The following THSD7B variants were observed in gnomAD, a reference collection of about 807,000 sequenced individuals.
The protein encoded by THSD7B is thrombospondin type 1 domain containing 7B, also known as thrombospondin type-1 domain-containing protein 7B.
A neutral mutation model predicts 213.6 loss-of-function variants in THSD7B; 138 were observed. That is an observed-to-expected ratio of 0.65 (90% CI 0.56 to 0.74). The LOEUF is 0.74. THSD7B is among the 30% of genes least tolerant of loss of function. The pLI, the probability that THSD7B is intolerant of heterozygous loss-of-function variation, is 0.00. For missense variants in THSD7B, 1,931 were observed against 1,991.5 expected (o/e 0.97, Z 0.58); for synonymous variants, 742 against 687.0 (o/e 1.08, Z -1.25).
chr2:137,259,718 T>G (rs1350762835), intron 10 of THSD7B, among the ~76,000 whole-genome samples: 1 of 152,158 alleles, frequency 6.6e-6, no homozygotes, highest in Non-Finnish European at 1.5e-5. Flanking sequence ...ACACTAAATG[T>G]TTAGCTTATT....
At chr2:137,029,309 C>T (rs6727783) in intron 2 of THSD7B, among the ~76,000 whole-genome samples, 97,124 of 151,762 alleles carry the variant, frequency 0.64, 31,617 homozygotes, top group South Asian at 0.76. Context: ...GAACTCCTGA[C>T]CTCAAGTGAT....
In THSD7B at chr2:137,115,264, C is replaced by T; in HGVS notation, c.1340C>T (p.Pro447Leu). 6.3e-7 allele frequency: 1 copy of T among 1,598,920 alleles called. No individual in the cohort carries two copies. Among genetic ancestry groups the T allele is most frequent in the Non-Finnish European group, 8.5e-7 (1 of 1,173,140 alleles). ...TREVYCAQSV[P>L]AAAALRAKEV... ...GAGGTGTACTGTGCCCAGAGCGTACCAGCAGCTGCCGCACTGAGGGCCAAG... is the reference window on the plus strand; with the variant it reads ...GAGGTGTACTGTGCCCAGAGCGTACTAGCAGCTGCCGCACTGAGGGCCAAG... The change falls in exon 5 of 28, where the codon CCA (proline) becomes CTA (leucine). Residue 447 changes from proline (P) to leucine (L), a missense_variant. Transcript: ENST00000409968.
chr2:136,894,145 G>A (rs1388802289), intron 2 of THSD7B, among the ~76,000 whole-genome samples: 2 of 152,326 alleles, frequency 1.3e-5, no homozygotes, highest in African/African-American at 4.8e-5. Context: ...AGAATAAAAT[G>A]TGGATTTGCC....
intron 4 of THSD7B, among the ~76,000 whole-genome samples, chr2:137,095,339 A>G (rs1226707078): frequency 6.6e-6 from 1 of 152,188 alleles, no homozygotes; most frequent in East Asian, 1.9e-4. Flanking sequence ...TAATTATACA[A>G]ATTTCTTCAA....
Position 136,998,261 on chromosome 2 carries a change from CAAAAAAAAA to C in THSD7B, c.140-58147_140-58139del, listed in dbSNP as rs33931359. Among the ~76,000 whole-genome samples, 656 of 98,424 alleles carry C rather than the reference CAAAAAAAAA, an allele frequency of 6.7e-3. 7 individuals are homozygous for C. Among genetic ancestry groups the C allele is most frequent in the African/African-American group, 0.018 (523 of 28,342 alleles). The allele number at this position is 98,424 out of a possible 152,430, so 64.6% of individuals were successfully genotyped here. ...TATACATGGAAAGAGACTAAAAGGC[CAAAAAAAAA>C]AAAAAAAAAAAGAAAGAAAAAAAGA... is the stretch of plus-strand genomic sequence containing the variant. On this transcript the variant is annotated intron_variant, in intron 2 of 27. Coordinates refer to ENST00000409968, the MANE Select transcript of THSD7B (RefSeq NM_001316349.2).
At chr2:137,592,640 C>A (rs1377797534) in intron 17 of THSD7B, among the ~76,000 whole-genome samples, 4 of 151,826 alleles carry the variant, frequency 2.6e-5, no homozygotes, top group African/African-American at 9.7e-5. Flanking sequence ...TTCTGTTATC[C>A]TCTGTATGGT....
At position 137,368,529 on chromosome 2, in the gene THSD7B, A is replaced by C. The variant is rs115661656; in HGVS notation, c.2501-37084A>C. Reference sequence around the variant, plus strand: ...GTTTGTAAAGATCATGTATCAATGCAGTTTACTTCAACAGAAGCTCATCTT... The same window carrying C: ...GTTTGTAAAGATCATGTATCAATGCCGTTTACTTCAACAGAAGCTCATCTT... On this transcript the variant is annotated intron_variant, in intron 12 of 27. Transcript: ENST00000409968. Among the ~76,000 whole-genome samples, 656 of 152,234 alleles carry C rather than the reference A, an allele frequency of 4.3e-3. 3 individuals are homozygous for C. The highest frequency in any genetic ancestry group is 0.015 in the African/African-American group (623 of 41,556).
At chr2:137,142,451 G>T (rs759194267) in intron 5 of THSD7B, among the ~76,000 whole-genome samples, 1 of 142,430 alleles carries the variant, frequency 7.0e-6, no homozygotes, top group Admixed American at 6.7e-5. Context: ...ATTCGTTTTT[G>T]TTGTTGTTGT....
intron 2 of THSD7B, among the ~76,000 whole-genome samples, chr2:136,908,368 T>C (rs1358057476): frequency 1.3e-5 from 2 of 152,224 alleles, no homozygotes; most frequent in African/African-American, 4.8e-5. Flanking sequence ...AACTATGAGA[T>C]TATCATCCAT....
chr2:137,642,854 A>G (rs68157029), intron 21 of THSD7B, among the ~76,000 whole-genome samples: 15,699 of 152,208 alleles, frequency 0.1, 890 homozygotes, highest in African/African-American at 0.12. Flanking sequence ...AGCACTGATT[A>G]TAATAGGTCA....
In THSD7B at chr2:136,881,114, G is replaced by A. The variant is rs573060365; in HGVS notation, c.-35-1030G>A. Among the ~76,000 whole-genome samples the A allele has an allele frequency of 1.9e-3, 283 of 152,194 alleles. 3 individuals are homozygous for A. The highest frequency in any genetic ancestry group is 3.4e-4 in the Non-Finnish European group (23 of 68,018). On this transcript the variant is annotated intron_variant, in intron 1 of 27. Transcript: ENST00000409968. The stretch of plus-strand genomic sequence containing the variant: ...GAGATGCCCTTCCCAACTCCTTCAA[G>A]TCCTAATGTTTCCCTAGTCTCTTCT...
At chr2:137,013,468 A>C (rs1189986566) in intron 2 of THSD7B, among the ~76,000 whole-genome samples, 1 of 152,154 alleles carries the variant, frequency 6.6e-6, no homozygotes, top group African/African-American at 2.4e-5. Flanking sequence ...ATAGGGTACA[A>C]GAAAGGAGAG....
intron 6 of THSD7B, among the ~76,000 whole-genome samples, chr2:137,166,785 C>G (rs1199512226): frequency 6.6e-6 from 1 of 152,170 alleles, no homozygotes; most frequent in Non-Finnish European, 1.5e-5. Flanking sequence ...AATGAGAAGT[C>G]TATAAAATCA....
At chr2:137,505,877 A>G (rs2105144092) in intron 15 of THSD7B, among the ~76,000 whole-genome samples, 1 of 152,330 alleles carries the variant, frequency 6.6e-6, no homozygotes, top group Middle Eastern at 3.4e-3. Context: ...GAAATGGATA[A>G]GGCAGGGTAA....
At chr2:137,089,266 G>GTGTGTATATGTATATATACATATATA (rs1558916441) in intron 3 of THSD7B, among the ~76,000 whole-genome samples, 2 of 130,064 alleles carry the variant, frequency 1.5e-5, no homozygotes, top group African/African-American at 7.9e-5. Flanking sequence ...GTGTGTGTGT[G>GTGTGTATATGTATATATACATATATA]TGTGTGTGTA....
intron 1 of THSD7B, among the ~76,000 whole-genome samples, chr2:136,853,123 G>A (rs1378278246): frequency 6.6e-6 from 1 of 151,910 alleles, no homozygotes; most frequent in East Asian, 1.9e-4. Context: ...CCAGAAACAA[G>A]GACACTCTCT....
intron 2 of THSD7B, among the ~76,000 whole-genome samples, chr2:136,938,578 A>C (rs1205209169): frequency 6.6e-6 from 1 of 152,140 alleles, no homozygotes; most frequent in Non-Finnish European, 1.5e-5. Flanking sequence ...TATCTGAAAA[A>C]AACCAAAAAC....
chr2:137,159,362 A>T (rs933280327), intron 5 of THSD7B, among the ~76,000 whole-genome samples: 1 of 152,038 alleles, frequency 6.6e-6, no homozygotes. Context: ...GATTAAGTTG[A>T]TGCTACAGTG....
chr2:137,502,174 C>G (rs1008325217), intron 15 of THSD7B, among the ~76,000 whole-genome samples: 1 of 151,918 alleles, frequency 6.6e-6, no homozygotes, highest in Non-Finnish European at 1.5e-5. Context: ...ATTGATTATT[C>G]TCCCACAATA....
Sources: gnomAD v4.1 joint callset for allele counts (sites outside exome capture counted in the v4.1 genomes callset) on GRCh38, gnomAD v4.1.1 for gene constraint, MANE v1.5 for transcripts, NCBI Gene and HGNC (gene_info 2026-07-23, HGNC 2026-07-21) for gene names.